The following THEM4 variants were observed in gnomAD, a reference collection of about 807,000 sequenced individuals.
The protein encoded by THEM4 is thioesterase superfamily member 4.
THEM4 carries 22 observed loss-of-function variants against 25.0 expected under a neutral mutation model. The ratio of observed to expected loss-of-function variants is 0.88; its 90% CI spans 0.63 to 1.26. THEM4 has a LOEUF of 1.26. THEM4 is among the 50% of genes most tolerant of loss of function. The pLI is 0.00. For synonymous variants in THEM4, 113 were observed against 105.6 expected (o/e 1.07, Z -0.43); for missense variants, 286 against 300.3 (o/e 0.95, Z 0.35).
intron 2 of THEM4, among the ~76,000 whole-genome samples, chr1:151,892,885 GA>G (rs1421033837): frequency 6.6e-6 from 1 of 152,184 alleles, no homozygotes; most frequent in African/African-American, 2.4e-5. Context: ...ACCCCAACAT[GA>G]AGGGTTTGAG....
Position 151,902,466 on chromosome 1 carries a change from G to A in THEM4, c.99+6894C>T, listed in dbSNP as rs574167974. Among the ~76,000 whole-genome samples the A allele has an allele frequency of 2.6e-5, 4 of 152,210 alleles. No homozygotes were observed. In the East Asian group the frequency reaches 7.7e-4, roughly 29 times the overall value. ...AAGCTATGAGGACGCAAAGGCATAA[G>A]AATGATACAATGGACTTTGGGGACT... On this transcript the variant is annotated intron_variant, in intron 1 of 5. Coordinates refer to ENST00000368814, the MANE Select transcript of THEM4 (RefSeq NM_053055.5).
intron 3 of THEM4, among the ~76,000 whole-genome samples, chr1:151,888,664 A>G (rs1457462472): frequency 3.3e-5 from 5 of 152,184 alleles, no homozygotes; most frequent in African/African-American, 1.2e-4. Flanking sequence ...GAAAATTTAT[A>G]TTATGTTTTT....
intron 4 of THEM4, among the ~76,000 whole-genome samples, chr1:151,878,891 TACACACAC>T (rs55900104): frequency 7.2e-6 from 1 of 138,536 alleles, no homozygotes; most frequent in African/African-American, 2.7e-5. Context: ...TATATGTCTA[TACACACAC>T]ACACACACAC....
In THEM4 at chr1:151,870,875, A is replaced by G. The variant is rs930178987; in HGVS notation, c.*4013T>C. Among the ~76,000 whole-genome samples, 6 of 152,246 alleles carry G rather than the reference A, an allele frequency of 3.9e-5. No homozygotes were observed. The highest frequency in any genetic ancestry group is 1.4e-4 in the African/African-American group (6 of 41,472). ...TTCTTCCAACAATATATTTCTGTACATGACTCTCATTTTATTGTTTCTTAG... is the reference window on the plus strand; with the variant it reads ...TTCTTCCAACAATATATTTCTGTACGTGACTCTCATTTTATTGTTTCTTAG... On this transcript the variant is annotated 3_prime_UTR_variant, in exon 6 of 6. Transcript: ENST00000368814.
intron 4 of THEM4, 45 bp from the exon 5 acceptor site, chr1:151,877,170 C>T (rs1653703499): frequency 6.4e-7 from 1 of 1,559,450 alleles, no homozygotes; most frequent in Admixed American, 1.9e-5. Context: ...TTTTATCTGA[C>T]TTATATAACA....
chr1:151,894,018 C>T (rs921650503), intron 2 of THEM4, among the ~76,000 whole-genome samples: 8 of 152,070 alleles, frequency 5.3e-5, no homozygotes, highest in African/African-American at 1.9e-4. Context: ...CGCCACGAGG[C>T]CCAACTAATT....
chr1:151,878,445 G>A (rs1653735727), intron 4 of THEM4, among the ~76,000 whole-genome samples: 1 of 152,246 alleles, frequency 6.6e-6, no homozygotes, highest in South Asian at 2.1e-4. Flanking sequence ...TGGCCATTGT[G>A]CCACTACACT....
intron 2 of THEM4, chr1:151,890,317 G>A: frequency 2.7e-6 from 1 of 371,554 alleles, no homozygotes; most frequent in East Asian, 8.0e-5. Context: ...ACAATTGTGA[G>A]CAAGTTGGGG....
intron 2 of THEM4, chr1:151,890,694 T>C (rs1272831400): frequency 6.6e-6 from 1 of 152,358 alleles, no homozygotes; most frequent in East Asian, 1.9e-4. Flanking sequence ...TTGAGTGAAT[T>C]GATGGTTTAG....
At chr1:151,893,862 T>C (rs1654151532) in intron 2 of THEM4, among the ~76,000 whole-genome samples, 1 of 151,598 alleles carries the variant, frequency 6.6e-6, no homozygotes, top group Non-Finnish European at 1.5e-5. Flanking sequence ...TTTTTCTCTT[T>C]TTTTTTTTGT....
At chr1:151,890,295 T>C in intron 2 of THEM4, 1 of 414,954 alleles carries the variant, frequency 2.4e-6, no homozygotes, top group Non-Finnish European at 4.9e-6. Flanking sequence ...GACACAGTTT[T>C]TTTTCACTTA....
chr1:151,883,068 AGT>A (rs1171671491), intron 4 of THEM4, among the ~76,000 whole-genome samples: 1 of 137,112 alleles, frequency 7.3e-6, no homozygotes, highest in Non-Finnish European at 1.6e-5. Context: ...AGAGAGAGAG[AGT>A]GCAAGGGGGG....
rs187163970 is a variant in THEM4 at position 151,873,350 on chromosome 1, G to T, written c.*1538C>A. Among the ~76,000 whole-genome samples, 60 of 152,276 alleles carry T rather than the reference G, an allele frequency of 3.9e-4. No individual in the cohort carries two copies. The highest frequency in any genetic ancestry group is 1.4e-3 in the African/African-American group (57 of 41,580). On this transcript the variant is annotated 3_prime_UTR_variant, in exon 6 of 6. Coordinates refer to ENST00000368814, the MANE Select transcript of THEM4 (RefSeq NM_053055.5). ...ACTGAGAGAGCTGAGACTGGGGCCG[G>T]TGCGGGTCCTCTGTATGCTGAGCAC...
chr1:151,871,833 G>A lies in THEM4; in HGVS notation c.*3055C>T, dbSNP rs1359283568. On this transcript the variant is annotated 3_prime_UTR_variant, in exon 6 of 6. Coordinates refer to ENST00000368814, the MANE Select transcript of THEM4 (RefSeq NM_053055.5). The stretch of plus-strand genomic sequence containing the variant: ...TGTGCCATAGCAGTTCTGCAAGCCT[G>A]CCAGAGAAATCTAACGATGAGAGTA... 6.6e-6 allele frequency among the ~76,000 whole-genome samples: 1 copy of A among 152,238 alleles called. No homozygotes were observed. The highest frequency in any genetic ancestry group is 2.4e-5 in the African/African-American group (1 of 41,458).
intron 1 of THEM4, among the ~76,000 whole-genome samples, chr1:151,901,434 A>G (rs1049387805): frequency 1.3e-5 from 2 of 152,266 alleles, no homozygotes; most frequent in African/African-American, 4.8e-5. Flanking sequence ...AAGATAGATC[A>G]TGATAGGCCA....
At chr1:151,885,280 G>C (rs1295037930) in intron 4 of THEM4, among the ~76,000 whole-genome samples, 2 of 151,942 alleles carry the variant, frequency 1.3e-5, no homozygotes, top group South Asian at 4.2e-4. Flanking sequence ...CACCACACCT[G>C]GGTAATTTCT....
At chr1:151,875,799 A>G (rs1391016841) in intron 5 of THEM4, among the ~76,000 whole-genome samples, 2 of 152,164 alleles carry the variant, frequency 1.3e-5, no homozygotes, top group African/African-American at 2.4e-5. Flanking sequence ...AATCTAAAGA[A>G]TCTCATATAT....
chr1:151,901,422 C>T (rs768599563), intron 1 of THEM4, among the ~76,000 whole-genome samples: 3 of 152,178 alleles, frequency 2.0e-5, no homozygotes, highest in Non-Finnish European at 4.4e-5. Context: ...GGAACTTTCT[C>T]CAAGATAGAT....
chr1:151,873,963 T>C lies in THEM4; in HGVS notation c.*925A>G, dbSNP rs1272859703. 1 of 152,240 alleles carries C rather than the reference T, an allele frequency of 6.6e-6. No individual in the cohort carries two copies. Among genetic ancestry groups the C allele is most frequent in the African/African-American group, 2.4e-5 (1 of 41,472 alleles). 9.4% of individuals were successfully genotyped at this position (152,240 alleles called of 1,614,324 possible). On this transcript the variant is annotated 3_prime_UTR_variant, in exon 6 of 6. Coordinates refer to ENST00000368814, the MANE Select transcript of THEM4 (RefSeq NM_053055.5). Reference sequence around the variant, plus strand: ...TTGGTTTAAACAATCCAGTTTGTACTACTTTGCTACAGCAGCCCTAGGAAA... The same window carrying C: ...TTGGTTTAAACAATCCAGTTTGTACCACTTTGCTACAGCAGCCCTAGGAAA...
Sources: gnomAD v4.1 joint callset for allele counts (sites outside exome capture counted in the v4.1 genomes callset) on GRCh38, gnomAD v4.1.1 for gene constraint, MANE v1.5 for transcripts, NCBI Gene and HGNC (gene_info 2026-07-23, HGNC 2026-07-21) for gene names.